FBXO11: variants seen among roughly 807,000 people sequenced by gnomAD.
The protein encoded by FBXO11 is F-box only protein 11.
Under a neutral mutation model 117.0 loss-of-function variants are expected in FBXO11, and 13 were observed. The ratio of observed to expected loss-of-function variants is 0.11; its 90% CI spans 0.07 to 0.18. FBXO11 has a LOEUF of 0.18. Among genes scored for constraint, FBXO11 ranks in the 10% least tolerant of loss-of-function variants. The pLI is 1.00. For synonymous variants in FBXO11, 490 were observed against 380.5 expected (o/e 1.29, Z -3.35); for missense variants, 767 against 1,164.4 (o/e 0.66, Z 4.97).
intron 11 of FBXO11, among the ~76,000 whole-genome samples, chr2:47,830,735 T>G (rs565436516): frequency 1.3e-5 from 2 of 152,252 alleles, no homozygotes; most frequent in Non-Finnish European, 2.9e-5. Context: ...GTGTGTGTGA[T>G]GAGGAGTAAC....
At chr2:47,897,472 A>C (rs1011707457) in intron 1 of FBXO11, among the ~76,000 whole-genome samples, 5 of 152,174 alleles carry the variant, frequency 3.3e-5, no homozygotes, top group African/African-American at 9.7e-5. Context: ...TTAGGCGGGC[A>C]GATCACTTTA....
chr2:47,879,036 G>A (rs1324401134), intron 1 of FBXO11, among the ~76,000 whole-genome samples: 1 of 152,030 alleles, frequency 6.6e-6, no homozygotes, highest in Admixed American at 6.6e-5. Flanking sequence ...CCTTTCTCCA[G>A]GTAACGCATG....
At chr2:47,810,856 C>G (rs960080908) in intron 18 of FBXO11, 2 of 153,242 alleles carry the variant, frequency 1.3e-5, no homozygotes, top group African/African-American at 4.8e-5. Flanking sequence ...TGATGAGTTT[C>G]CTTTATTCCA....
chr2:47,813,892 C>T (rs1462658719), intron 16 of FBXO11, 25 bp from the exon 17 acceptor site: 10 of 1,538,390 alleles, frequency 6.5e-6, no homozygotes, highest in Non-Finnish European at 9.0e-6. Flanking sequence ...GACAATAATA[C>T]CATTTCAATA....
At chr2:47,877,545 C>G (rs1017713065) in intron 1 of FBXO11, among the ~76,000 whole-genome samples, 1 of 152,030 alleles carries the variant, frequency 6.6e-6, no homozygotes, top group Admixed American at 6.6e-5. Flanking sequence ...TCTGTATTTT[C>G]GAATTTTTGT....
rs773190171 is a variant in FBXO11 at position 47,822,321 on chromosome 2, A to T, written c.1617-18T>A. 3.6e-6 allele frequency: 5 copies of T among 1,395,302 alleles called. No homozygotes were observed. The highest frequency in any genetic ancestry group is 4.8e-5 in the East Asian group (2 of 41,926). The allele number at this position is 1,395,302 out of a possible 1,614,324, so 86.4% of individuals were successfully genotyped here. A position where few individuals can be genotyped will look rare whatever the true frequency, so the allele number is the denominator to read the frequency against. Reference sequence around the variant, plus strand: ...AATTTCCCCTATAATTATGCGAAATAAAAAAAAAGAAGACATCTATTCAGC... The same window carrying T: ...AATTTCCCCTATAATTATGCGAAATTAAAAAAAAGAAGACATCTATTCAGC... On this transcript the variant is annotated intron_variant, in intron 12 of 22. Coordinates refer to ENST00000403359, the MANE Select transcript of FBXO11 (RefSeq NM_001190274.2).
chr2:47,899,101 G>A (rs1021224368), intron 1 of FBXO11, among the ~76,000 whole-genome samples: 4 of 151,580 alleles, frequency 2.6e-5, no homozygotes, highest in Non-Finnish European at 5.9e-5. Context: ...GGTGAAACCC[G>A]GTCTCTACTA....
chr2:47,879,433 C>A (rs527607322), intron 1 of FBXO11, among the ~76,000 whole-genome samples: 1 of 152,158 alleles, frequency 6.6e-6, no homozygotes, highest in Non-Finnish European at 1.5e-5. Context: ...GAGTATGCTG[C>A]CCAACTTTTG....
intron 1 of FBXO11, among the ~76,000 whole-genome samples, chr2:47,886,972 C>A (rs550112481): frequency 1.3e-4 from 20 of 152,228 alleles, no homozygotes; most frequent in African/African-American, 4.6e-4. Flanking sequence ...GTGATCAAGC[C>A]ATTACACTCT....
chr2:47,878,964 T>TCAAAA (rs145348225), intron 1 of FBXO11, among the ~76,000 whole-genome samples: 11 of 151,932 alleles, frequency 7.2e-5, no homozygotes, highest in East Asian at 1.9e-4. Flanking sequence ...AAACTCTGTC[T>TCAAAA]CAAAACAAAA....
At chr2:47,899,177 G>A (rs979689513) in intron 1 of FBXO11, among the ~76,000 whole-genome samples, 2 of 151,716 alleles carry the variant, frequency 1.3e-5, no homozygotes, top group South Asian at 2.1e-4. Context: ...AGGAGGCTGA[G>A]GCAGGAGAAT....
At chr2:47,813,003 TA>T in intron 18 of FBXO11, 5 of 524,762 alleles carry the variant, frequency 9.5e-6, no homozygotes, top group African/African-American at 3.8e-5. Flanking sequence ...ATTCTATCTT[TA>T]AAAAGGCTTA....
intron 1 of FBXO11, chr2:47,883,710 C>A: frequency 3.8e-6 from 1 of 266,228 alleles, no homozygotes; most frequent in East Asian, 1.0e-4. Flanking sequence ...ATACAACTCC[C>A]AAGAAGAATA....
At chr2:47,821,465 CCGGGCGTGGTGG>C (rs1201580142) in intron 13 of FBXO11, among the ~76,000 whole-genome samples, 6 of 152,116 alleles carry the variant, frequency 3.9e-5, no homozygotes, top group African/African-American at 1.4e-4. Flanking sequence ...AAAAAATTAG[CCGGGCGTGGTGG>C]CGGGCGCCTG....
rs777108933 is a variant in FBXO11, at chr2:47,838,932, G to T, written c.514C>A (p.Leu172Met). Residue 172 changes from leucine (L) to methionine (M), a missense_variant, in exon 4 of 23, where the codon CTG (leucine) becomes ATG (methionine). Around this residue, in one of 10 missense-constraint regions of FBXO11, gnomAD observed 355 missense variants for 299.8 expected, o/e 1.18. Transcript: ENST00000403359. ...GCTGCTCTACAAAGATCCTGTTCCA[G>T]CAAGTAAGAGAAGATTTTTAGAACC... Reference protein sequence around the residue: ...EVVLKIFSYLLEQDLCRAACV... With the variant: ...EVVLKIFSYLMEQDLCRAACV... 1 of 1,614,024 alleles carries T rather than the reference G, an allele frequency of 6.2e-7. No individual in the cohort carries two copies. Among genetic ancestry groups the T allele is most frequent in the African/African-American group, 1.3e-5 (1 of 75,032 alleles).
chr2:47,832,320 G>A (rs546266999), intron 11 of FBXO11, 29 bp downstream of exon 11: 76 of 1,547,928 alleles, frequency 4.9e-5, no homozygotes, highest in South Asian at 2.3e-4. Context: ...ACAGAAGTCC[G>A]TTTTTCTATT....
Position 47,905,802 on chromosome 2 carries a change from G to C in FBXO11, c.-82C>G. ...GAGCTTCGGGGCAGGAGAAAGGGGTGGGGAGAGTGGGAGAGGGGGGAGGAA... is the reference window on the plus strand; with the variant it reads ...GAGCTTCGGGGCAGGAGAAAGGGGTCGGGAGAGTGGGAGAGGGGGGAGGAA... On this transcript the variant is annotated 5_prime_UTR_variant, in exon 1 of 23. Coordinates refer to ENST00000403359, the MANE Select transcript of FBXO11 (RefSeq NM_001190274.2). 1 of 1,361,448 alleles carries C rather than the reference G, an allele frequency of 7.3e-7. No homozygotes were observed. The highest frequency in any genetic ancestry group is 9.8e-7 in the Non-Finnish European group (1 of 1,017,608). The allele number at this position is 1,361,448 out of a possible 1,614,324, so 84.3% of individuals were successfully genotyped here. A position where few individuals can be genotyped will look rare whatever the true frequency, so the allele number is the denominator to read the frequency against.
At chr2:47,856,824 T>C (rs1288506926) in intron 1 of FBXO11, among the ~76,000 whole-genome samples, 1 of 152,234 alleles carries the variant, frequency 6.6e-6, no homozygotes, top group African/African-American at 2.4e-5. Context: ...ACTGAAACAG[T>C]ACAATGTAAA....
rs1008087350 is a variant in FBXO11, at chr2:47,807,101, C to G, written c.*1017G>C. 1.4e-5 allele frequency: 7 copies of G among 499,152 alleles called. No homozygotes were observed. The highest frequency in any genetic ancestry group is 1.2e-4 in the African/African-American group (6 of 51,746). 30.9% of individuals were successfully genotyped at this position (499,152 alleles called of 1,614,324 possible). A position where few individuals can be genotyped will look rare whatever the true frequency, so the allele number is the denominator to read the frequency against. Reference sequence around the variant, plus strand: ...TCAGGCTGTTTTATACCCACTGTCACCAATACACATAAATGGGGGAGGAAA... The same window carrying G: ...TCAGGCTGTTTTATACCCACTGTCAGCAATACACATAAATGGGGGAGGAAA... On this transcript the variant is annotated 3_prime_UTR_variant, in exon 23 of 23. Transcript: ENST00000403359.
Sources: gnomAD v4.1 joint callset for allele counts (sites outside exome capture counted in the v4.1 genomes callset) on GRCh38, gnomAD v4.1.1 for gene constraint, gnomAD v4.1.1 regional missense constraint, MANE v1.5 for transcripts, NCBI Gene and HGNC (gene_info 2026-07-23, HGNC 2026-07-21) for gene names.